The following KATNIP variants were observed in gnomAD, a reference collection of about 807,000 sequenced individuals.
KATNIP encodes the protein katanin interacting protein, also known as katanin-interacting protein.
In KATNIP, 126 loss-of-function variants were observed where a neutral mutation model predicts 174.0. That is an observed-to-expected ratio of 0.72 (90% CI 0.63 to 0.84). The LOEUF (loss-of-function observed/expected upper bound fraction) is 0.84. KATNIP is among the 40% of genes least tolerant of loss of function. The pLI is 0.00. For missense variants in KATNIP, 1,958 were observed against 2,109.7 expected (o/e 0.93, Z 1.41); for synonymous variants, 810 against 835.7 (o/e 0.97, Z 0.53).
At chr16:27,567,315 G>T (rs2090128428) in intron 1 of KATNIP, among the ~76,000 whole-genome samples, 3 of 152,150 alleles carry the variant, frequency 2.0e-5, no homozygotes. Context: ...ATAGGAAATA[G>T]ATCCAAATAG....
chr16:27,773,205 A>G lies in KATNIP; in HGVS notation c.4305A>G (p.Glu1435=). 1.9e-6 allele frequency: 3 copies of G among 1,603,792 alleles called. No individual in the cohort carries two copies. Among genetic ancestry groups the G allele is most frequent in the Non-Finnish European group, 2.6e-6 (3 of 1,173,032 alleles). Reference sequence around the variant, plus strand: ...GAGGAGAAAAAATCCCCTTGTCGGAAAACAGTATCCTTTGTAGGACAGGAG... The same window carrying G: ...GAGGAGAAAAAATCCCCTTGTCGGAGAACAGTATCCTTTGTAGGACAGGAG... ...DERGEKIPLS[E]NNIAAFPDSV... Residue 1435 remains glutamate (E), a synonymous_variant, in exon 23 of 28, where the codon GAA becomes GAG. Transcript: ENST00000261588.
In KATNIP at chr16:27,750,040, AC is replaced by A; in HGVS notation, c.3085del (p.Arg1029AlafsTer10). The A allele has an allele frequency of 6.2e-7, 1 of 1,613,828 alleles. No individual in the cohort carries two copies. The highest frequency in any genetic ancestry group is 8.5e-7 in the Non-Finnish European group (1 of 1,179,974). The part of the protein sequence containing the change: ...DINILPAYGK[D>X]PRVVTNLIDG... ...AATATTTTACCAGCCTATGGGAAAG[AC>A]CCCCGCGTGGTCACCAACCTCATCG... On this transcript the variant is annotated frameshift_variant, in exon 16 of 28. Coordinates refer to ENST00000261588, the MANE Select transcript of KATNIP (RefSeq NM_015202.5). LOFTEE classifies it high-confidence loss of function.
At chr16:27,583,744 A>C (rs1050592135) in intron 2 of KATNIP, among the ~76,000 whole-genome samples, 16 of 152,348 alleles carry the variant, frequency 1.1e-4, no homozygotes, top group Middle Eastern at 3.4e-3. Flanking sequence ...TAAGTGATAG[A>C]AGCCTTCCTT....
intron 2 of KATNIP, among the ~76,000 whole-genome samples, chr16:27,612,765 A>T (rs1426276041): frequency 6.7e-6 from 1 of 148,758 alleles, no homozygotes; most frequent in East Asian, 2.0e-4. Context: ...TCTCAAAAAG[A>T]AAAAAAAAAG....
intron 1 of KATNIP, among the ~76,000 whole-genome samples, chr16:27,572,902 G>A (rs1326934906): frequency 6.6e-6 from 1 of 152,180 alleles, no homozygotes; most frequent in African/African-American, 2.4e-5. Context: ...CCTAGGCCTT[G>A]GCTCTTCCCT....
chr16:27,628,880 A>G (rs747457429), intron 4 of KATNIP, 50 bp downstream of exon 4: 1 of 1,589,762 alleles, frequency 6.3e-7, no homozygotes, highest in East Asian at 2.2e-5. Context: ...ATCAAAATTA[A>G]TTAGGGGCAG....
chr16:27,730,726 T>A (rs1290584640), intron 14 of KATNIP, among the ~76,000 whole-genome samples: 1 of 152,206 alleles, frequency 6.6e-6, no homozygotes, highest in Non-Finnish European at 1.5e-5. Context: ...GGGTCTCCAG[T>A]GACACCCTTC....
At chr16:27,774,843 C>G in intron 23 of KATNIP, 102 bp from the exon 24 acceptor site, 1 of 1,385,354 alleles carries the variant, frequency 7.2e-7, no homozygotes, top group South Asian at 1.3e-5. Flanking sequence ...AAGCATCAGC[C>G]CTGCCAGCCC....
chr16:27,711,650 A>G (rs1025954035), intron 13 of KATNIP, among the ~76,000 whole-genome samples: 1 of 152,232 alleles, frequency 6.6e-6, no homozygotes, highest in Non-Finnish European at 1.5e-5. Flanking sequence ...AGGGCAGGAA[A>G]AGATTCTCCC....
intron 20 of KATNIP, among the ~76,000 whole-genome samples, chr16:27,767,857 A>G (rs1028152274): frequency 3.3e-5 from 5 of 152,144 alleles, no homozygotes; most frequent in African/African-American, 1.2e-4. Flanking sequence ...CTGTGTCTCT[A>G]TGAACGCTCC....
intron 2 of KATNIP, among the ~76,000 whole-genome samples, chr16:27,587,177 C>T (rs2106640): frequency 1.3e-5 from 2 of 152,170 alleles, no homozygotes; most frequent in African/African-American, 4.8e-5. Context: ...AGAGTACCTC[C>T]TCCTGGAGTT....
intron 8 of KATNIP, among the ~76,000 whole-genome samples, chr16:27,693,900 A>G (rs2078827287): frequency 6.6e-6 from 1 of 152,174 alleles, no homozygotes; most frequent in South Asian, 2.1e-4. Context: ...TTCAGATGGT[A>G]GCTTTTCTTG....
chr16:27,698,249 T>C, intron 8 of KATNIP, 79 bp from the exon 9 acceptor site: 1 of 1,380,048 alleles, frequency 7.2e-7, no homozygotes, highest in South Asian at 1.5e-5. Flanking sequence ...AGAATGTTCC[T>C]CAATTGGGGT....
At chr16:27,641,753 C>T (rs2076806389) in intron 5 of KATNIP, among the ~76,000 whole-genome samples, 1 of 152,224 alleles carries the variant, frequency 6.6e-6, no homozygotes, top group Admixed American at 6.5e-5. Flanking sequence ...AAGGAGGGGC[C>T]TGGAATTCTG....
In KATNIP at chr16:27,664,941, G is replaced by A. The variant is rs556134674; in HGVS notation, c.541-12788G>A. On this transcript the variant is annotated intron_variant, in intron 6 of 27. Transcript: ENST00000261588. ...AGCCCTGAGGCTAGAGTGGGGGGCC[G>A]CTTTTAGGGCTGCAGCCTGTCCCCG... Among the ~76,000 whole-genome samples the A allele has an allele frequency of 6.7e-4, 102 of 152,244 alleles. 1 individual carries two copies. Among genetic ancestry groups the A allele is most frequent in the African/African-American group, 2.3e-3 (97 of 41,544 alleles).
chr16:27,561,214 G>A (rs1439260913), intron 1 of KATNIP, among the ~76,000 whole-genome samples: 1 of 151,398 alleles, frequency 6.6e-6, no homozygotes, highest in African/African-American at 2.4e-5. Flanking sequence ...GTAGGGACGG[G>A]GTTTCACCAT....
chr16:27,703,474 G>A (rs571968660), intron 11 of KATNIP, among the ~76,000 whole-genome samples: 3 of 152,304 alleles, frequency 2.0e-5, no homozygotes, highest in South Asian at 2.1e-4. Flanking sequence ...TATGCTTTGC[G>A]GTTGGTTTTG....
Position 27,759,758 on chromosome 16 carries a change from T to G in KATNIP, c.3632-1655T>G, listed in dbSNP as rs550466013. 1.6e-4 allele frequency among the ~76,000 whole-genome samples: 24 copies of G among 152,192 alleles called. No homozygotes were observed. In the South Asian group the frequency reaches 2.3e-3, roughly 14 times the overall value. On this transcript the variant is annotated intron_variant, in intron 18 of 27. Coordinates refer to ENST00000261588, the MANE Select transcript of KATNIP (RefSeq NM_015202.5). ...CCTCACGTGGGCTTCTGTCCCAGTG[T>G]TCAAAGCAAATCACGTGACCCAGAG... is the stretch of plus-strand genomic sequence containing the variant.
At chr16:27,737,244 G>A (rs1469180075) in intron 14 of KATNIP, among the ~76,000 whole-genome samples, 5 of 152,088 alleles carry the variant, frequency 3.3e-5, no homozygotes, top group South Asian at 2.1e-4. Context: ...TTAGCTGGTC[G>A]TGGTGACGTG....
Sources: gnomAD v4.1 joint callset for allele counts (sites outside exome capture counted in the v4.1 genomes callset) on GRCh38, gnomAD v4.1.1 for gene constraint, MANE v1.5 for transcripts, NCBI Gene and HGNC (gene_info 2026-07-23, HGNC 2026-07-21) for gene names.